CCSER1: variants seen among roughly 807,000 people sequenced by gnomAD.
The protein encoded by CCSER1 is coiled-coil serine rich protein 1.
Under a neutral mutation model 82.0 loss-of-function variants are expected in CCSER1, and 41 were observed. The observed-to-expected ratio is 0.50, with a 90% CI of 0.39 to 0.65. CCSER1 has a LOEUF of 0.65. Among genes scored for constraint, CCSER1 ranks in the 30% least tolerant of loss-of-function variants. CCSER1 has a pLI of 0.00. For synonymous variants in CCSER1, 414 were observed against 383.9 expected, an observed-to-expected ratio of 1.08 and a Z score of -0.92; for missense variants, 1,119 against 1,064.2, an observed-to-expected ratio of 1.05 and a Z score of -0.72.
At chr4:91,389,767 G>C (rs1751534997) in intron 10 of CCSER1, among the ~76,000 whole-genome samples, 1 of 151,762 alleles carries the variant, frequency 6.6e-6, no homozygotes, top group Non-Finnish European at 1.5e-5. Flanking sequence ...AAAGTTTATA[G>C]TTTGCCTCAT....
intron 6 of CCSER1, among the ~76,000 whole-genome samples, chr4:90,694,511 G>C (rs1466434342): frequency 6.6e-6 from 1 of 151,964 alleles, no homozygotes; most frequent in African/African-American, 2.4e-5. Flanking sequence ...AAGTAACAAA[G>C]AAAGCTTCAT....
intron 6 of CCSER1, among the ~76,000 whole-genome samples, chr4:90,699,127 G>T (rs1737538517): frequency 6.6e-6 from 1 of 151,976 alleles, no homozygotes. Context: ...CAACATCCAA[G>T]AAGGAAGGAA....
chr4:90,962,386 G>A (rs2079157520), intron 9 of CCSER1, among the ~76,000 whole-genome samples: 2 of 151,950 alleles, frequency 1.3e-5, no homozygotes, highest in Non-Finnish European at 1.5e-5. Context: ...TTATACTTCT[G>A]TATTTAATAT....
intron 1 of CCSER1, among the ~76,000 whole-genome samples, chr4:90,281,005 C>A (rs1398376915): frequency 1.3e-5 from 2 of 151,978 alleles, no homozygotes; most frequent in Non-Finnish European, 2.9e-5. Flanking sequence ...CATTTTCATA[C>A]ATCCATACTA....
At chr4:91,389,016 T>G (rs189755338) in intron 10 of CCSER1, among the ~76,000 whole-genome samples, 19 of 152,166 alleles carry the variant, frequency 1.2e-4, no homozygotes, top group Non-Finnish European at 2.1e-4. Flanking sequence ...TTACAAATAC[T>G]TCCTCACAGT....
intron 10 of CCSER1, among the ~76,000 whole-genome samples, chr4:91,223,114 C>A (rs1017469331): frequency 1.3e-5 from 2 of 151,634 alleles, no homozygotes; most frequent in Admixed American, 1.3e-4. Flanking sequence ...TCAAATTATG[C>A]CTTCAGTCTC....
At chr4:91,147,639 C>G (rs1376445890) in intron 10 of CCSER1, among the ~76,000 whole-genome samples, 4 of 152,164 alleles carry the variant, frequency 2.6e-5, no homozygotes, top group African/African-American at 9.7e-5. Flanking sequence ...TATTTTCTGG[C>G]CCCTTAGGGT....
intron 10 of CCSER1, among the ~76,000 whole-genome samples, chr4:91,408,801 A>C (rs941998462): frequency 1.3e-5 from 2 of 152,222 alleles, no homozygotes; most frequent in African/African-American, 4.8e-5. Context: ...TACAGCTGTG[A>C]AGGTAGCAGA....
At chr4:90,569,428 C>T (rs917084943) in intron 5 of CCSER1, among the ~76,000 whole-genome samples, 8 of 152,082 alleles carry the variant, frequency 5.3e-5, no homozygotes, top group African/African-American at 1.2e-4. Flanking sequence ...GATACAGACA[C>T]CATGATCAAA....
At chr4:90,932,914 GAAA>G (rs1730069437) in intron 9 of CCSER1, among the ~76,000 whole-genome samples, 1 of 13,602 alleles carries the variant, frequency 7.4e-5, no homozygotes. Context: ...GAAGGAGAAA[GAAA>G]GAAAGAAAGA....
chr4:91,082,770 C>T (rs1378332155), intron 9 of CCSER1, among the ~76,000 whole-genome samples: 2 of 152,102 alleles, frequency 1.3e-5, no homozygotes, highest in Admixed American at 6.5e-5. Context: ...AGACACTTCT[C>T]AAAAGAAGAC....
chr4:91,100,191 A>T (rs914840305), intron 10 of CCSER1, among the ~76,000 whole-genome samples: 3 of 63,562 alleles, frequency 4.7e-5, no homozygotes, highest in Non-Finnish European at 1.2e-4. Flanking sequence ...TGGGCAAGAT[A>T]AAAAAAAAAT....
At chr4:90,457,377 G>A (rs1041604182) in intron 4 of CCSER1, among the ~76,000 whole-genome samples, 1 of 152,090 alleles carries the variant, frequency 6.6e-6, no homozygotes, top group African/African-American at 2.4e-5. Context: ...CTGACTAGGG[G>A]GGCATGTTTC....
At chr4:90,548,981 A>G (rs950450353) in intron 5 of CCSER1, among the ~76,000 whole-genome samples, 5 of 152,080 alleles carry the variant, frequency 3.3e-5, no homozygotes, top group Non-Finnish European at 7.4e-5. Context: ...TGCTAGCCAA[A>G]CAAACATCCA....
chr4:90,266,369 C>G (rs1224782055), intron 1 of CCSER1, among the ~76,000 whole-genome samples: 1 of 151,946 alleles, frequency 6.6e-6, no homozygotes, highest in African/African-American at 2.4e-5. Context: ...TTGTTACTCT[C>G]CAGTATGTAT....
chr4:90,957,630 CTATATAA>C (rs1053286877), intron 9 of CCSER1, among the ~76,000 whole-genome samples: 17 of 106,152 alleles, frequency 1.6e-4, no homozygotes, highest in South Asian at 5.5e-4. Flanking sequence ...TGTATATATT[CTATATAA>C]TATATAATAT....
At chr4:90,956,212 A>G (rs1017564335) in intron 9 of CCSER1, among the ~76,000 whole-genome samples, 1 of 152,198 alleles carries the variant, frequency 6.6e-6, no homozygotes, top group South Asian at 2.1e-4. Flanking sequence ...TTTTTATATA[A>G]TTTCAATAAA....
At chr4:91,229,260 CA>C (rs1461513040) in intron 10 of CCSER1, among the ~76,000 whole-genome samples, 1 of 126,450 alleles carries the variant, frequency 7.9e-6, no homozygotes, top group Non-Finnish European at 1.7e-5. Flanking sequence ...AGACCTCTAT[CA>C]AAAAAACCCC....
At chr4:90,862,697 A>G (rs976756135) in intron 8 of CCSER1, among the ~76,000 whole-genome samples, 4 of 151,930 alleles carry the variant, frequency 2.6e-5, no homozygotes, top group Admixed American at 6.6e-5. Context: ...GTTGCAGGAT[A>G]GAGGTGAGCC....
Sources: allele counts gnomAD v4.1 joint callset (sites outside exome capture counted in the v4.1 genomes callset), GRCh38; gene constraint gnomAD v4.1.1; transcripts MANE v1.5; gene names NCBI Gene and HGNC (gene_info 2026-07-23, HGNC 2026-07-21).